CLIP1: variants seen among roughly 807,000 people sequenced by gnomAD.
CLIP1 encodes the protein CAP-Gly domain containing linker protein 1.
CLIP1 carries 66 observed loss-of-function variants against 161.6 expected under a neutral mutation model. The ratio of observed to expected loss-of-function variants is 0.41; its 90% CI spans 0.33 to 0.50. The LOEUF (loss-of-function observed/expected upper bound fraction) is 0.50, where lower values mean the gene tolerates loss of function less well. Among genes scored for constraint, CLIP1 ranks in the 20% least tolerant of loss-of-function variants. The probability of loss-of-function intolerance (pLI) is 0.27; values close to 1 mark genes in which losing one functional copy is unlikely to be tolerated. For synonymous variants in CLIP1, 598 were observed against 626.2 expected, an observed-to-expected ratio of 0.96 and a Z score of 0.67; for missense variants, 1,376 against 1,702.0, an observed-to-expected ratio of 0.81 and a Z score of 3.37.
Position 122,358,146 on chromosome 12 carries a change from C to G in CLIP1, c.1005+2813G>C, listed in dbSNP as rs977079451. Among the ~76,000 whole-genome samples, 108 of 151,932 alleles carry G rather than the reference C, an allele frequency of 7.1e-4. 2 individuals are homozygous for G. In the East Asian group the frequency reaches 0.016, roughly 23 times the overall value. On this transcript the variant is annotated intron_variant, in intron 5 of 25. Coordinates refer to ENST00000620786, the MANE Select transcript of CLIP1 (RefSeq NM_001247997.2). ...GTTGATCTGTGACCTTACCCCCAACCCTGTGCTCTCTGAAACATGTGCTGT... is the reference window on the plus strand; with the variant it reads ...GTTGATCTGTGACCTTACCCCCAACGCTGTGCTCTCTGAAACATGTGCTGT...
At chr12:122,278,034 C>T (rs2136216678) in intron 24 of CLIP1, 120 bp downstream of exon 24, 1 of 818,566 alleles carries the variant, frequency 1.2e-6, no homozygotes, top group South Asian at 1.5e-5. Context: ...TAGAGGAATG[C>T]ATTACCAATT....
At chr12:122,329,009 G>A (rs1234629724) in intron 15 of CLIP1, among the ~76,000 whole-genome samples, 1 of 152,162 alleles carries the variant, frequency 6.6e-6, no homozygotes. Flanking sequence ...AATTAATAAG[G>A]AAAAATGAGT....
chr12:122,402,010 AG>A (rs1956160319), intron 1 of CLIP1, among the ~76,000 whole-genome samples: 1 of 152,010 alleles, frequency 6.6e-6, no homozygotes, highest in East Asian at 1.9e-4. Context: ...AAAAAAAAAA[AG>A]TGTGAGTCTC....
At chr12:122,363,312 C>G (rs781124166) in intron 4 of CLIP1, among the ~76,000 whole-genome samples, 3 of 152,018 alleles carry the variant, frequency 2.0e-5, no homozygotes, top group Non-Finnish European at 4.4e-5. Context: ...CCAGCCTGGG[C>G]AACACCCCGT....
chr12:122,351,831 G>A (rs1311989150), intron 8 of CLIP1, among the ~76,000 whole-genome samples: 1 of 151,994 alleles, frequency 6.6e-6, no homozygotes, highest in Non-Finnish European at 1.5e-5. Context: ...TGAATAAATT[G>A]TTAAAAAGGG....
chr12:122,415,100 C>T lies in CLIP1; in HGVS notation c.-107+7421G>A, dbSNP rs545278649. Among the ~76,000 whole-genome samples the T allele has an allele frequency of 2.4e-3, 360 of 151,826 alleles. 1 individual carries two copies. Among genetic ancestry groups the T allele is most frequent in the African/African-American group, 8.4e-3 (348 of 41,410 alleles). ...AATAATTTTTTAAAAAAACATAAGA[C>T]GCTGTTAATAGTTTAAAGCCTCCCT... On this transcript the variant is annotated intron_variant, in intron 1 of 25. Coordinates refer to ENST00000620786, the MANE Select transcript of CLIP1 (RefSeq NM_001247997.2).
At chr12:122,374,120 G>A (rs1300261911) in intron 3 of CLIP1, among the ~76,000 whole-genome samples, 2 of 151,960 alleles carry the variant, frequency 1.3e-5, no homozygotes, top group Admixed American at 6.6e-5. Context: ...AGCGGATCAC[G>A]AGGTCAGGAG....
intron 4 of CLIP1, among the ~76,000 whole-genome samples, chr12:122,362,949 G>C (rs189235710): frequency 5.9e-5 from 9 of 152,158 alleles, no homozygotes; most frequent in Admixed American, 1.3e-4. Context: ...ATCTCTATGA[G>C]TCATAATTAC....
intron 17 of CLIP1, among the ~76,000 whole-genome samples, chr12:122,325,908 C>G (rs1951696358): frequency 1.3e-5 from 2 of 152,174 alleles, no homozygotes; most frequent in Non-Finnish European, 2.9e-5. Flanking sequence ...CCACCTTGGC[C>G]TCCCAAAGTG....
At chr12:122,289,575 A>AAC (rs2136302581) in intron 20 of CLIP1, among the ~76,000 whole-genome samples, 1 of 152,332 alleles carries the variant, frequency 6.6e-6, no homozygotes, top group East Asian at 1.9e-4. Flanking sequence ...CCATCAATTC[A>AAC]ACACACATTC....
At chr12:122,297,854 A>G (rs533579249) in intron 20 of CLIP1, among the ~76,000 whole-genome samples, 1 of 152,318 alleles carries the variant, frequency 6.6e-6, no homozygotes, top group East Asian at 1.9e-4. Context: ...CTTCTGGGAC[A>G]GCTTAGCTGG....
intron 3 of CLIP1, among the ~76,000 whole-genome samples, chr12:122,364,335 G>A (rs1338707764): frequency 6.6e-6 from 1 of 151,984 alleles, no homozygotes; most frequent in Non-Finnish European, 1.5e-5. Flanking sequence ...TTGCAATAAT[G>A]AGACAGCCAA....
Position 122,336,722 on chromosome 12 carries a change from C to T in CLIP1, c.2478G>A (p.Gln826=), listed in dbSNP as rs773264545. 7.5e-6 allele frequency: 12 copies of T among 1,604,244 alleles called. No individual in the cohort carries two copies. Among genetic ancestry groups the T allele is most frequent in the South Asian group, 6.6e-5 (6 of 90,626 alleles). The change falls in exon 12 of 26, where the codon CAG becomes CAA. Residue 826 remains glutamine (Q), a synonymous_variant. Transcript: ENST00000620786. ...GGTTAGTAAGCTTTAGCTCTCTCCC[C>T]TGGAGCTCTCTGGTAATGCTACTAG... is the stretch of plus-strand genomic sequence containing the variant. ...SKASSITREL[Q]GRELKLTNLQ... is the part of the protein sequence containing the mutation.
In CLIP1 at chr12:122,405,427, A is replaced by G. The variant is rs564145824; in HGVS notation, c.-107+17094T>C. On this transcript the variant is annotated intron_variant, in intron 1 of 25. Transcript: ENST00000620786. ...ATGTGGGTATTTATGTATGCTTCAT[A>G]CACGATATATTATATATAACTTTTT... Among the ~76,000 whole-genome samples the G allele has an allele frequency of 6.6e-5, 10 of 152,306 alleles. No individual in the cohort carries two copies. In the East Asian group the frequency reaches 1.5e-3, roughly 23 times the overall value.
chr12:122,380,766 G>A (rs1449999751), intron 1 of CLIP1, among the ~76,000 whole-genome samples: 1 of 151,974 alleles, frequency 6.6e-6, no homozygotes, highest in African/African-American at 2.4e-5. Context: ...AAGACAAGCA[G>A]TTAGCCAGGT....
chr12:122,356,613 C>CCT (rs1566164369), intron 5 of CLIP1, among the ~76,000 whole-genome samples: 1 of 151,810 alleles, frequency 6.6e-6, no homozygotes, highest in African/African-American at 2.4e-5. Flanking sequence ...TCCCTCTCTC[C>CCT]CTCTCCCTCT....
chr12:122,288,382 T>A, intron 21 of CLIP1, 107 bp downstream of exon 21: 3 of 961,256 alleles, frequency 3.1e-6, no homozygotes, highest in Non-Finnish European at 3.1e-6. Context: ...CAATGCCATT[T>A]TCTGAATCTA....
chr12:122,358,826 A>G (rs1447704548), intron 5 of CLIP1, among the ~76,000 whole-genome samples: 1 of 152,034 alleles, frequency 6.6e-6, no homozygotes, highest in Non-Finnish European at 1.5e-5. Flanking sequence ...TTTGGGAAGC[A>G]GAGGCGGGCA....
intron 24 of CLIP1, chr12:122,274,369 C>G (rs1955305904): frequency 2.0e-6 from 1 of 488,284 alleles, no homozygotes; most frequent in Non-Finnish European, 3.7e-6. Context: ...TAAATGAGGC[C>G]ATGTCTAGGT....
Sources: allele counts gnomAD v4.1 joint callset (sites outside exome capture counted in the v4.1 genomes callset), GRCh38; gene constraint gnomAD v4.1.1; transcripts MANE v1.5; gene names NCBI Gene and HGNC (gene_info 2026-07-23, HGNC 2026-07-21).